The following MDGA2 variants were observed in gnomAD, a reference collection of about 807,000 sequenced individuals.
The protein encoded by MDGA2 is MAM domain containing glycosylphosphatidylinositol anchor 2.
Under a neutral mutation model 117.8 loss-of-function variants are expected in MDGA2, and 40 were observed. That is an observed-to-expected ratio of 0.34 (90% CI 0.26 to 0.44). The LOEUF (loss-of-function observed/expected upper bound fraction) is 0.44, where lower values mean the gene tolerates loss of function less well. Ranked by LOEUF, MDGA2 falls within the 20% of genes least tolerant of loss-of-function variation. The pLI is 1.00. For synonymous variants in MDGA2, 452 were observed against 439.0 expected (o/e 1.03, Z -0.37); for missense variants, 1,123 against 1,250.6 (o/e 0.90, Z 1.54).
intron 1 of MDGA2, among the ~76,000 whole-genome samples, chr14:47,541,640 C>T (rs1404347626): frequency 6.6e-6 from 1 of 152,058 alleles, no homozygotes; most frequent in Non-Finnish European, 1.5e-5. Flanking sequence ...GCTTTGGAAT[C>T]AGAAAAAAAG....
rs190686920 is a variant in MDGA2, at chr14:47,176,206, G to A, written c.596-31932C>T. ...CTCATGGGTAGGAAGAATCAGTATC[G>A]TGAAAATGGCCATACTGCCCAAGGT... On this transcript the variant is annotated intron_variant, in intron 3 of 16. Transcript: ENST00000399232. 3.4e-3 allele frequency among the ~76,000 whole-genome samples: 518 copies of A among 152,194 alleles called. 13 individuals are homozygous for A. The East Asian group carries it at 0.073, about 21-fold the overall frequency.
chr14:47,113,103 A>G (rs1380812489), intron 5 of MDGA2, among the ~76,000 whole-genome samples: 1 of 152,102 alleles, frequency 6.6e-6, no homozygotes. Context: ...TTTCTCTTAT[A>G]AATTTGCTTA....
chr14:47,294,002 C>T (rs992804584), intron 2 of MDGA2, among the ~76,000 whole-genome samples: 4 of 151,244 alleles, frequency 2.6e-5, no homozygotes, highest in Non-Finnish European at 5.9e-5. Flanking sequence ...TACATTTATT[C>T]ATGTAACCAT....
At chr14:47,054,781 G>A (rs1480418588) in intron 7 of MDGA2, among the ~76,000 whole-genome samples, 1 of 151,572 alleles carries the variant, frequency 6.6e-6, no homozygotes, top group Non-Finnish European at 1.5e-5. Context: ...AAATGGTGCT[G>A]GGAAAACTGG....
chr14:47,285,471 T>C (rs1015676756), intron 2 of MDGA2, among the ~76,000 whole-genome samples: 3 of 152,150 alleles, frequency 2.0e-5, no homozygotes, highest in African/African-American at 7.2e-5. Context: ...TATTACTTTG[T>C]GAATATGTTC....
chr14:47,016,835 A>G (rs1020450221), intron 8 of MDGA2, among the ~76,000 whole-genome samples: 58 of 152,182 alleles, frequency 3.8e-4, no homozygotes, highest in African/African-American at 1.3e-3. Context: ...CCTCGTATAG[A>G]TCCAAGTTAA....
chr14:47,129,246 C>A (rs182715984), intron 5 of MDGA2, among the ~76,000 whole-genome samples: 72 of 151,588 alleles, frequency 4.7e-4, no homozygotes, highest in Non-Finnish European at 9.7e-4. Flanking sequence ...AGCTCCCCCC[C>A]CGACCCCACA....
intron 2 of MDGA2, among the ~76,000 whole-genome samples, chr14:47,282,961 A>G (rs1170726922): frequency 6.6e-6 from 1 of 152,144 alleles, no homozygotes; most frequent in African/African-American, 2.4e-5. Context: ...ATAAATAAAT[A>G]AATAACATAC....
chr14:47,615,462 T>C (rs982611357), intron 1 of MDGA2, among the ~76,000 whole-genome samples: 1 of 144,014 alleles, frequency 6.9e-6, no homozygotes, highest in Admixed American at 6.8e-5. Flanking sequence ...TACACAACAA[T>C]GTTTCACAGT....
At chr14:47,131,302 A>G (rs1882193098) in intron 5 of MDGA2, among the ~76,000 whole-genome samples, 2 of 152,010 alleles carry the variant, frequency 1.3e-5, no homozygotes, top group Admixed American at 1.3e-4. Context: ...GAAATTACCT[A>G]TTAGTTTTCT....
intron 2 of MDGA2, among the ~76,000 whole-genome samples, chr14:47,250,094 A>G (rs751828179): frequency 6.6e-6 from 1 of 152,226 alleles, no homozygotes; most frequent in African/African-American, 2.4e-5. Context: ...GTCTTAATTC[A>G]TTGTATCTGT....
At chr14:47,536,409 G>A (rs990703489) in intron 1 of MDGA2, among the ~76,000 whole-genome samples, 29 of 152,182 alleles carry the variant, frequency 1.9e-4, no homozygotes, top group African/African-American at 6.8e-4. Flanking sequence ...AGTAATAATT[G>A]TCCTATGTTC....
intron 1 of MDGA2, among the ~76,000 whole-genome samples, chr14:47,398,824 A>G (rs1455561579): frequency 6.6e-6 from 1 of 152,156 alleles, no homozygotes; most frequent in African/African-American, 2.4e-5. Context: ...GTCTCTATGT[A>G]GTACAAAGTT....
At chr14:47,477,088 G>A (rs1191456390) in intron 1 of MDGA2, among the ~76,000 whole-genome samples, 1 of 152,210 alleles carries the variant, frequency 6.6e-6, no homozygotes, top group Non-Finnish European at 1.5e-5. Context: ...CTTGAACCCA[G>A]GAGGTGAAGG....
chr14:47,422,689 G>A (rs1470562690), intron 1 of MDGA2, among the ~76,000 whole-genome samples: 1 of 152,034 alleles, frequency 6.6e-6, no homozygotes, highest in Non-Finnish European at 1.5e-5. Context: ...TATCGACTGA[G>A]CTGGTGACAG....
intron 1 of MDGA2, among the ~76,000 whole-genome samples, chr14:47,531,009 G>A (rs551293563): frequency 6.6e-6 from 1 of 152,206 alleles, no homozygotes; most frequent in South Asian, 2.1e-4. Flanking sequence ...ACTTTGGGAG[G>A]CCGAGGTGGG....
At chr14:47,220,492 T>C (rs895693598) in intron 2 of MDGA2, among the ~76,000 whole-genome samples, 2 of 152,222 alleles carry the variant, frequency 1.3e-5, no homozygotes, top group Non-Finnish European at 2.9e-5. Flanking sequence ...CAGCACTTCA[T>C]GTTTTGCACA....
chr14:47,409,891 A>T (rs1468498072), intron 1 of MDGA2, among the ~76,000 whole-genome samples: 1 of 152,194 alleles, frequency 6.6e-6, no homozygotes, highest in Non-Finnish European at 1.5e-5. Flanking sequence ...TAAGAAAAAA[A>T]CGTGAGCAGT....
intron 6 of MDGA2, among the ~76,000 whole-genome samples, chr14:47,069,743 T>C (rs898657664): frequency 2.0e-5 from 3 of 152,250 alleles, no homozygotes; most frequent in African/African-American, 7.2e-5. Flanking sequence ...TGTAGAATAT[T>C]GCAACCAGAT....
Sources: gnomAD v4.1 joint callset for allele counts (sites outside exome capture counted in the v4.1 genomes callset) on GRCh38, gnomAD v4.1.1 for gene constraint, MANE v1.5 for transcripts, NCBI Gene and HGNC (gene_info 2026-07-23, HGNC 2026-07-21) for gene names.